The following NADK2 variants were observed in gnomAD, a reference collection of about 807,000 sequenced individuals.
NADK2 encodes NAD kinase domain-containing protein 1, mitochondrial.
NADK2 carries 35 observed loss-of-function variants against 62.1 expected under a neutral mutation model. That is an observed-to-expected ratio of 0.56 (90% CI 0.43 to 0.75). NADK2 has a LOEUF of 0.75. Among genes scored for constraint, NADK2 ranks in the 30% least tolerant of loss-of-function variants. The pLI, the probability that NADK2 is intolerant of heterozygous loss-of-function variation, is 0.00. For synonymous variants in NADK2, 205 were observed against 207.9 expected, an observed-to-expected ratio of 0.99 and a Z score of 0.12; for missense variants, 439 against 561.3, an observed-to-expected ratio of 0.78 and a Z score of 2.20.
Position 36,193,808 on chromosome 5 carries a change from A to G in NADK2, c.*1336T>C, listed in dbSNP as rs1746120164. The stretch of plus-strand genomic sequence containing the variant: ...GAGCACTCAATTCGACTATCCGTCC[A>G]GCTTTCACAGAATTTACTTCTGAGC... On this transcript the variant is annotated 3_prime_UTR_variant, in exon 12 of 12. Coordinates refer to ENST00000381937, the MANE Select transcript of NADK2 (RefSeq NM_001085411.3). The G allele has an allele frequency of 6.6e-6, 1 of 152,644 alleles. No individual in the cohort carries two copies. The highest frequency in any genetic ancestry group is 6.5e-5 in the Admixed American group (1 of 15,278). The allele number at this position is 152,644 out of a possible 1,614,324, so 9.5% of individuals were successfully genotyped here.
At chr5:36,217,052 T>C (rs1215193158) in intron 6 of NADK2, among the ~76,000 whole-genome samples, 1 of 152,028 alleles carries the variant, frequency 6.6e-6, no homozygotes, top group African/African-American at 2.4e-5. Context: ...TCAGGTACCA[T>C]GAGAGAGCAG....
At chr5:36,200,642 A>C (rs1477302549) in intron 9 of NADK2, among the ~76,000 whole-genome samples, 1 of 151,992 alleles carries the variant, frequency 6.6e-6, no homozygotes, top group Non-Finnish European at 1.5e-5. Flanking sequence ...AATCTCACGC[A>C]GTCCTGCTCT....
In NADK2 at chr5:36,197,984, T is replaced by C. The variant is rs1746296358; in HGVS notation, c.1067-320A>G. Among the ~76,000 whole-genome samples, 3 of 152,080 alleles carry C rather than the reference T, an allele frequency of 2.0e-5. No individual in the cohort carries two copies. The South Asian group carries it at 6.2e-4, about 31-fold the overall frequency. On this transcript the variant is annotated intron_variant, in intron 10 of 11. Transcript: ENST00000381937. Reference sequence around the variant, plus strand: ...TTAAACAATAGAGGAATTAGATAGATGCACTCAAAAAAGGAACTTGAGTTG... The same window carrying C: ...TTAAACAATAGAGGAATTAGATAGACGCACTCAAAAAAGGAACTTGAGTTG...
chr5:36,222,008 T>C (rs533780275), intron 4 of NADK2: 2 of 152,332 alleles, frequency 1.3e-5, no homozygotes, highest in East Asian at 1.9e-4. Context: ...AATTCATTTA[T>C]TGCCTACCAG....
In NADK2 at chr5:36,193,999, G is replaced by A. The variant is rs1746129099; in HGVS notation, c.*1145C>T. 3 of 152,544 alleles carry A rather than the reference G, an allele frequency of 2.0e-5. No homozygotes were observed. The highest frequency in any genetic ancestry group is 1.9e-4 in the East Asian group (1 of 5,176). The allele number at this position is 152,544 out of a possible 1,614,324, so 9.4% of individuals were successfully genotyped here. ...AAAGAAACACATGACTTTGAACAAC[G>A]GCACGAGAATACCAACTGTTTGATT... On this transcript the variant is annotated 3_prime_UTR_variant, in exon 12 of 12. Transcript: ENST00000381937.
At chr5:36,234,374 A>C (rs1747824361) in intron 1 of NADK2, among the ~76,000 whole-genome samples, 2 of 39,646 alleles carry the variant, frequency 5.0e-5, no homozygotes, top group African/African-American at 4.5e-4. Flanking sequence ...CTCCGTCTCA[A>C]AAAAAAAAAA....
chr5:36,215,656 T>A (rs1747014721), intron 6 of NADK2, among the ~76,000 whole-genome samples: 1 of 152,194 alleles, frequency 6.6e-6, no homozygotes, highest in African/African-American at 2.4e-5. Context: ...CTTCATGAGA[T>A]CAACTTTTTC....
At chr5:36,201,063 G>T in intron 9 of NADK2, 43 bp downstream of exon 9, 1 of 1,540,042 alleles carries the variant, frequency 6.5e-7, no homozygotes, top group Non-Finnish European at 9.0e-7. Flanking sequence ...CTTGTCCCCT[G>T]CGGATAAGAG....
intron 6 of NADK2, among the ~76,000 whole-genome samples, chr5:36,214,396 T>TC (rs1746967087): frequency 6.6e-6 from 1 of 152,212 alleles, no homozygotes; most frequent in Admixed American, 6.5e-5. Context: ...GTCAGGCTGG[T>TC]CTCAAACTCC....
At position 36,217,820 on chromosome 5, in the gene NADK2, C is replaced by A; in HGVS notation, c.709G>T (p.Asp237Tyr). Reference sequence around the variant, plus strand: ...AAGCTTAGCTGCTGCTCGTGAAGGTCCACAGGTACAGGGTTTATGCCAGTC... The same window carrying A: ...AAGCTTAGCTGCTGCTCGTGAAGGTACACAGGTACAGGGTTTATGCCAGTC... ...EGTGINPVPV[D>Y]LHEQQLSLNQ... Residue 237 changes from aspartate (D) to tyrosine (Y), a missense_variant, in exon 6 of 12, where the codon GAC becomes TAC. Physicochemically the swap from Asp to Tyr is radical, Grantham distance 160. Coordinates refer to ENST00000381937, the MANE Select transcript of NADK2 (RefSeq NM_001085411.3). 6.2e-7 allele frequency: 1 copy of A among 1,613,964 alleles called. No individual in the cohort carries two copies. Among genetic ancestry groups the A allele is most frequent in the Non-Finnish European group, 8.5e-7 (1 of 1,179,918 alleles).
intron 8 of NADK2, among the ~76,000 whole-genome samples, chr5:36,203,528 GAT>G (rs1197470358): frequency 6.6e-6 from 1 of 152,050 alleles, no homozygotes; most frequent in African/African-American, 2.4e-5. Flanking sequence ...TCAGGGATAG[GAT>G]ATAGCTTGTG....
At chr5:36,224,113 A>T (rs1216864098) in intron 4 of NADK2, among the ~76,000 whole-genome samples, 1 of 152,172 alleles carries the variant, frequency 6.6e-6, no homozygotes, top group African/African-American at 2.4e-5. Flanking sequence ...AAGAGAGATG[A>T]GTAGGGCTAC....
intron 6 of NADK2, among the ~76,000 whole-genome samples, chr5:36,216,160 G>A (rs571490504): frequency 1.3e-4 from 20 of 152,170 alleles, no homozygotes; most frequent in African/African-American, 4.1e-4. Context: ...TCTCATTGTG[G>A]TTTTGATTTG....
rs1746354357 is a variant in NADK2, at chr5:36,199,290, T to C, written c.1066+937A>G. ...GAGGCCGTTCTGATAAATCCAAGCATTTGTGTTTATGGATGACAGTTGCAG... is the reference window on the plus strand; with the variant it reads ...GAGGCCGTTCTGATAAATCCAAGCACTTGTGTTTATGGATGACAGTTGCAG... On this transcript the variant is annotated intron_variant, in intron 10 of 11. Coordinates refer to ENST00000381937, the MANE Select transcript of NADK2 (RefSeq NM_001085411.3). Among the ~76,000 whole-genome samples the C allele has an allele frequency of 4.6e-5, 7 of 152,092 alleles. No homozygotes were observed. In the South Asian group the frequency reaches 1.4e-3, roughly 32 times the overall value.
chr5:36,211,670 C>T (rs1746850736), intron 7 of NADK2, among the ~76,000 whole-genome samples, 174 bp downstream of exon 7: 1 of 152,068 alleles, frequency 6.6e-6, no homozygotes, highest in African/African-American at 2.4e-5. Context: ...ATATTCTTTC[C>T]CCTTAATACA....
At position 36,195,111 on chromosome 5, in the gene NADK2, G is replaced by T. The variant is rs748540256; in HGVS notation, c.*33C>A. 1.3e-6 allele frequency: 2 copies of T among 1,576,892 alleles called. No homozygotes were observed. Among genetic ancestry groups the T allele is most frequent in the Non-Finnish European group, 1.7e-6 (2 of 1,164,684 alleles). The stretch of plus-strand genomic sequence containing the variant: ...CTGTTTCTGAAGTAAAAATATTCTC[G>T]CCAGTAATCAAAATTTGTCATGAGG... On this transcript the variant is annotated 3_prime_UTR_variant, in exon 12 of 12. Coordinates refer to ENST00000381937, the MANE Select transcript of NADK2 (RefSeq NM_001085411.3).
chr5:36,211,888 C>CA lies in NADK2; in HGVS notation c.815dup (p.Arg273GlufsTer5). On this transcript the variant is annotated frameshift_variant, in exon 7 of 12. Transcript: ENST00000381937. LOFTEE classifies it high-confidence loss of function. ...CAATGAAGACTTCATTTAGTGCTCT[C>CA]ACTGGCAGAAGTTGGGGTCCTGAAG... 1 of 1,613,582 alleles carries CA rather than the reference C, an allele frequency of 6.2e-7. No individual in the cohort carries two copies. Among genetic ancestry groups the CA allele is most frequent in the Non-Finnish European group, 8.5e-7 (1 of 1,179,716 alleles).
intron 8 of NADK2, 125 bp from the exon 9 acceptor site, chr5:36,201,286 G>A (rs1418620368): frequency 5.2e-6 from 4 of 775,036 alleles, no homozygotes; most frequent in Non-Finnish European, 8.3e-6. Context: ...AATGAACAAA[G>A]TTAAAAACTG....
In NADK2 at chr5:36,241,520, C is replaced by G. The variant is rs552688315; in HGVS notation, c.279G>C (p.Ser93=). The G allele has an allele frequency of 3.2e-6, 5 of 1,564,980 alleles. No individual in the cohort carries two copies. In the East Asian group the frequency reaches 1.2e-4, roughly 38 times the overall value. Residue 93 remains serine, a synonymous_variant, in exon 1 of 12, where the codon TCG becomes TCC. Transcript: ENST00000381937. This position sits in a 1 kb window ranked among gnomAD's most constrained non-coding sequence, Gnocchi z 4.9. Reference sequence around the variant, plus strand: ...CCACCAGCTGCTTCAGGTCCTCCTCCGAGAGCTCCGCGTAACGGTACCGCT... The same window carrying G: ...CCACCAGCTGCTTCAGGTCCTCCTCGGAGAGCTCCGCGTAACGGTACCGCT... ...EQQRYRYAEL[S]EEDLKQLLAL... is the part of the protein sequence containing the mutation.
Sources: allele counts gnomAD v4.1 joint callset (sites outside exome capture counted in the v4.1 genomes callset), GRCh38; gene constraint gnomAD v4.1.1; non-coding constraint Gnocchi (gnomAD v3.1); transcripts MANE v1.5; gene names NCBI Gene and HGNC (gene_info 2026-07-23, HGNC 2026-07-21).